The following MED13L variants were observed in gnomAD, a reference collection of about 807,000 sequenced individuals.
MED13L encodes the protein mediator of RNA polymerase II transcription subunit 13-like.
A neutral mutation model predicts 220.9 loss-of-function variants in MED13L; 7 were observed. The observed-to-expected ratio is 0.03, with a 90% confidence interval of 0.02 to 0.06. The LOEUF is 0.06. MED13L is among the 10% of genes least tolerant of loss of function. The probability of loss-of-function intolerance (pLI) is 1.00; values close to 1 mark genes in which losing one functional copy is unlikely to be tolerated. For missense variants in MED13L, 1,965 were observed against 2,760.5 expected, an observed-to-expected ratio of 0.71 and a Z score of 6.46; for synonymous variants, 1,011 against 1,015.2, an observed-to-expected ratio of 1.00 and a Z score of 0.08.
At chr12:116,199,120 G>A (rs1258646733) in intron 2 of MED13L, among the ~76,000 whole-genome samples, 2 of 152,120 alleles carry the variant, frequency 1.3e-5, no homozygotes, top group East Asian at 3.9e-4. Context: ...TCCTTGCTCT[G>A]GGAATCTAAT....
At chr12:116,196,999 A>G (rs1881670511) in intron 2 of MED13L, among the ~76,000 whole-genome samples, 1 of 152,246 alleles carries the variant, frequency 6.6e-6, no homozygotes, top group South Asian at 2.1e-4. Context: ...TAGTTTGAAC[A>G]GTAACCATAT....
chr12:115,996,779 C>T (rs1004782778), intron 15 of MED13L, 98 bp from the exon 16 acceptor site: 1 of 1,164,172 alleles, frequency 8.6e-7, no homozygotes, highest in Non-Finnish European at 1.3e-6. Context: ...CCAAAATGAT[C>T]GTATTTCAGT....
intron 3 of MED13L, among the ~76,000 whole-genome samples, chr12:116,102,906 C>G (rs1200811201): frequency 6.6e-6 from 1 of 151,452 alleles, no homozygotes; most frequent in African/African-American, 2.4e-5. Context: ...TTAGTAGAGA[C>G]GGGGTTTCAC....
At chr12:116,104,004 T>C (rs1001539993) in intron 3 of MED13L, among the ~76,000 whole-genome samples, 1 of 131,920 alleles carries the variant, frequency 7.6e-6, no homozygotes, top group Non-Finnish European at 1.6e-5. Context: ...TTGCTCTTTT[T>C]TTTTTTTTTT....
intron 2 of MED13L, among the ~76,000 whole-genome samples, chr12:116,139,637 CTT>C (rs1876880458): frequency 6.6e-6 from 1 of 152,158 alleles, no homozygotes; most frequent in African/African-American, 2.4e-5. Flanking sequence ...TCGTTTATCT[CTT>C]TTGTCGCACA....
chr12:115,973,623 C>A (rs923519080), intron 25 of MED13L, among the ~76,000 whole-genome samples: 1 of 152,134 alleles, frequency 6.6e-6, no homozygotes, highest in African/African-American at 2.4e-5. Flanking sequence ...TATAGTCTAA[C>A]TTTCCCCAAG....
chr12:115,996,539 A>G lies in MED13L; in HGVS notation c.2933T>C (p.Ile978Thr). 2 of 1,614,248 alleles carry G rather than the reference A, an allele frequency of 1.2e-6. No individual in the cohort carries two copies. Residue 978 changes from isoleucine (I) to threonine (T), a missense_variant, in exon 16 of 31, where the codon ATT becomes ACT. Around this residue, in one of 10 missense-constraint regions of MED13L, gnomAD observed 233 missense variants for 306.2 expected, o/e 0.76. Transcript: ENST00000281928. The part of the protein sequence containing the change: ...DACLFRPSWA[I>T]PPKIEQLPMP... ...GGGCAGTTGTTCAATTTTAGGAGGA[A>G]TTGCCCATGAAGGCCGAAACAGACA...
At chr12:116,271,518 C>T (rs548239350) in intron 1 of MED13L, among the ~76,000 whole-genome samples, 1 of 151,030 alleles carries the variant, frequency 6.6e-6, no homozygotes, top group Non-Finnish European at 1.5e-5. Context: ...GGCGTGAACC[C>T]GGGAGGCTGA....
chr12:116,135,110 A>G (rs1033004610), intron 2 of MED13L, among the ~76,000 whole-genome samples: 2 of 152,222 alleles, frequency 1.3e-5, no homozygotes, highest in Admixed American at 1.3e-4. Flanking sequence ...CAGAGGTTGC[A>G]GTGAGCTGAG....
At chr12:116,103,969 C>G (rs1331549374) in intron 3 of MED13L, among the ~76,000 whole-genome samples, 1 of 148,726 alleles carries the variant, frequency 6.7e-6, no homozygotes, top group Non-Finnish European at 1.5e-5. Context: ...ATTCTGAAAT[C>G]CCTTCACCAC....
chr12:116,033,381 C>A lies in MED13L; in HGVS notation c.480-10780G>T, dbSNP rs148084341. Among the ~76,000 whole-genome samples, 517 of 152,196 alleles carry A rather than the reference C, an allele frequency of 3.4e-3. 5 individuals are homozygous for A. The highest frequency in any genetic ancestry group is 0.02 in the Middle Eastern group (6 of 294). On this transcript the variant is annotated intron_variant, in intron 4 of 30. Transcript: ENST00000281928. The stretch of plus-strand genomic sequence containing the variant: ...ACTATAAAAATTATTAAACTATTTT[C>A]AAAATAAAAACTATAAAAACTTCTT...
At chr12:115,987,479 A>C (rs1374700615) in intron 17 of MED13L, among the ~76,000 whole-genome samples, 191 bp from the exon 18 acceptor site, 1 of 152,234 alleles carries the variant, frequency 6.6e-6, no homozygotes, top group East Asian at 1.9e-4. Flanking sequence ...TTGATAATTT[A>C]GTATCAACAA....
At chr12:115,970,404 T>C (rs531095663) in intron 27 of MED13L, among the ~76,000 whole-genome samples, 190 bp downstream of exon 27, 9 of 152,390 alleles carry the variant, frequency 5.9e-5, no homozygotes, top group African/African-American at 2.2e-4. Context: ...AAATATTTAT[T>C]TGGTCTTGTT....
At chr12:116,017,391 A>G (rs1482070789) in intron 7 of MED13L, among the ~76,000 whole-genome samples, 1 of 152,248 alleles carries the variant, frequency 6.6e-6, no homozygotes, top group African/African-American at 2.4e-5. Context: ...ACAGATAACA[A>G]GTGGATAACT....
intron 2 of MED13L, among the ~76,000 whole-genome samples, chr12:116,224,056 C>T (rs998805633): frequency 1.1e-4 from 16 of 152,276 alleles, no homozygotes; most frequent in Non-Finnish European, 1.8e-4. Flanking sequence ...CCAGGCATTA[C>T]GATGGTCCTG....
intron 2 of MED13L, among the ~76,000 whole-genome samples, chr12:116,123,048 A>C (rs1381057700): frequency 6.6e-6 from 1 of 152,170 alleles, no homozygotes; most frequent in Non-Finnish European, 1.5e-5. Flanking sequence ...TCTTCCAAAT[A>C]TTTTTTAAAA....
chr12:116,245,650 G>A lies in MED13L; in HGVS notation c.73-7945C>T, dbSNP rs148083536. On this transcript the variant is annotated intron_variant, in intron 1 of 30. Coordinates refer to ENST00000281928, the MANE Select transcript of MED13L (RefSeq NM_015335.5). ...GGAGAGAATTTTTTAAAAGCTCTTGGAAATTTTTAAATAATGATTCCAGAA... is the reference window on the plus strand; with the variant it reads ...GGAGAGAATTTTTTAAAAGCTCTTGAAAATTTTTAAATAATGATTCCAGAA... Among the ~76,000 whole-genome samples, 841 of 152,148 alleles carry A rather than the reference G, an allele frequency of 5.5e-3. 10 individuals are homozygous for A. The highest frequency in any genetic ancestry group is 0.017 in the South Asian group (80 of 4,820).
intron 4 of MED13L, among the ~76,000 whole-genome samples, chr12:116,092,656 T>C (rs1872332934): frequency 6.6e-6 from 1 of 152,214 alleles, no homozygotes; most frequent in African/African-American, 2.4e-5. Context: ...TAAATATGTA[T>C]GTTAGGTAAT....
chr12:116,134,615 G>A (rs1046088485), intron 2 of MED13L, among the ~76,000 whole-genome samples: 1 of 152,136 alleles, frequency 6.6e-6, no homozygotes, highest in Non-Finnish European at 1.5e-5. Flanking sequence ...GAGAGGCAGA[G>A]AGTAATAATT....
Sources: allele counts gnomAD v4.1 joint callset (sites outside exome capture counted in the v4.1 genomes callset), GRCh38; gene constraint gnomAD v4.1.1; regional missense constraint gnomAD v4.1.1; transcripts MANE v1.5; gene names NCBI Gene and HGNC (gene_info 2026-07-23, HGNC 2026-07-21).